Variants in EBAG9 observed in about 807,000 individuals in gnomAD.
The protein encoded by EBAG9 is estrogen receptor binding site associated antigen 9, also known as receptor-binding cancer antigen expressed on SiSo cells.
EBAG9 carries 16 observed loss-of-function variants against 30.9 expected under a neutral mutation model. The observed-to-expected ratio is 0.52, with a 90% CI of 0.35 to 0.79. EBAG9 has a LOEUF of 0.79. Among genes scored for constraint, EBAG9 ranks in the 30% least tolerant of loss-of-function variants. The pLI is 0.01. For synonymous variants in EBAG9, 93 were observed against 82.8 expected (o/e 1.12, Z -0.67); for missense variants, 197 against 242.1 (o/e 0.81, Z 1.24).
chr8:109,549,771 T>C (rs898409287), intron 1 of EBAG9, among the ~76,000 whole-genome samples: 2 of 152,098 alleles, frequency 1.3e-5, no homozygotes, highest in African/African-American at 4.8e-5. Flanking sequence ...TAGATTGTTA[T>C]GTACTTTTTA....
In EBAG9 at chr8:109,553,948, G is replaced by A. The variant is rs73700652; in HGVS notation, c.162+5G>A. ...TATTCATCAGTTCCTAAGCAGGTAG[G>A]TTTTTTTTGTGTGTTCTTTTGTTTT... is the stretch of plus-strand genomic sequence containing the variant. On this transcript the variant is annotated splice_donor_5th_base_variant and intron_variant, in intron 3 of 6. Coordinates refer to ENST00000337573, the MANE Select transcript of EBAG9 (RefSeq NM_004215.5). The A allele has an allele frequency of 8.8e-6, 14 of 1,586,792 alleles. No homozygotes were observed. The highest frequency in any genetic ancestry group is 5.5e-5 in the African/African-American group (4 of 73,132).
At chr8:109,550,953 G>C (rs1255338282) in intron 2 of EBAG9, 46 bp downstream of exon 2, 1 of 1,329,454 alleles carries the variant, frequency 7.5e-7, no homozygotes. Flanking sequence ...CTCCTCGCTG[G>C]TTTTGGATAC....
intron 4 of EBAG9, 58 bp from the exon 5 acceptor site, chr8:109,556,875 CTA>C (rs1246429993): frequency 1.2e-6 from 1 of 827,706 alleles, no homozygotes; most frequent in African/African-American, 1.8e-5. Flanking sequence ...TTTTGGTTGT[CTA>C]TTTTTATGTA....
chr8:109,558,230 A>G (rs1821640051), intron 5 of EBAG9, among the ~76,000 whole-genome samples: 1 of 152,084 alleles, frequency 6.6e-6, no homozygotes, highest in Non-Finnish European at 1.5e-5. Flanking sequence ...CATTGAGTAA[A>G]AACACTGTTT....
intron 2 of EBAG9, among the ~76,000 whole-genome samples, chr8:109,552,085 A>G (rs1264743437): frequency 6.6e-6 from 1 of 152,006 alleles, no homozygotes. Context: ...TTTTTTTAAT[A>G]TATATAGACA....
intron 6 of EBAG9, chr8:109,563,569 C>G (rs1407848483): frequency 6.5e-7 from 1 of 1,527,526 alleles, no homozygotes; most frequent in Non-Finnish European, 8.7e-7. Flanking sequence ...TAGTAAATAC[C>G]TACCACTCTT....
chr8:109,548,710 AT>A (rs1330130922), intron 1 of EBAG9, among the ~76,000 whole-genome samples: 4 of 151,910 alleles, frequency 2.6e-5, no homozygotes, highest in Admixed American at 1.3e-4. Flanking sequence ...CTCAAGTATC[AT>A]TTTTTTATGC....
At chr8:109,560,783 A>G (rs375261313) in intron 5 of EBAG9, 55 bp from the exon 6 acceptor site, 126 of 1,231,092 alleles carry the variant, frequency 1.0e-4, no homozygotes, top group African/African-American at 4.1e-4. Context: ...TTTAACGGCT[A>G]TGTGGAGAAA....
chr8:109,560,521 G>T (rs1479329072), intron 5 of EBAG9, among the ~76,000 whole-genome samples: 1 of 152,148 alleles, frequency 6.6e-6, no homozygotes, highest in Non-Finnish European at 1.5e-5. Context: ...AGGAGAGAAA[G>T]AAACAAAAGA....
intron 2 of EBAG9, among the ~76,000 whole-genome samples, chr8:109,553,063 G>T (rs370902356): frequency 6.6e-6 from 1 of 150,896 alleles, no homozygotes; most frequent in Non-Finnish European, 1.5e-5. Context: ...GTTCTTAGTT[G>T]ATGCTTTTTT....
At chr8:109,542,302 C>A (rs987185873) in intron 1 of EBAG9, among the ~76,000 whole-genome samples, 2 of 151,360 alleles carry the variant, frequency 1.3e-5, no homozygotes, top group Non-Finnish European at 3.0e-5. Flanking sequence ...AAAAAAAAAA[C>A]AACCTTTAAA....
chr8:109,543,573 TTGAGA>T (rs1821322492), intron 1 of EBAG9, among the ~76,000 whole-genome samples: 1 of 152,192 alleles, frequency 6.6e-6, no homozygotes, highest in Non-Finnish European at 1.5e-5. Flanking sequence ...ACTACTCAGA[TTGAGA>T]TATTAGATCT....
intron 1 of EBAG9, among the ~76,000 whole-genome samples, chr8:109,545,609 C>T (rs1426340075): frequency 6.6e-6 from 1 of 151,950 alleles, no homozygotes; most frequent in East Asian, 2.0e-4. Flanking sequence ...GTGATCTGCC[C>T]GCCTCAGCCT....
At chr8:109,540,502 C>G (rs1427951861) in intron 1 of EBAG9, 41 bp downstream of exon 1, 1 of 152,096 alleles carries the variant, frequency 6.6e-6, no homozygotes, top group East Asian at 1.9e-4. Flanking sequence ...CGTGGGTAAT[C>G]TGAAATGAAA....
intron 1 of EBAG9, among the ~76,000 whole-genome samples, chr8:109,544,207 G>T (rs1055545535): frequency 2.6e-5 from 4 of 152,010 alleles, no homozygotes; most frequent in African/African-American, 9.7e-5. Flanking sequence ...CTTTAATGTG[G>T]TCACATGATA....
chr8:109,546,934 C>T (rs1821396853), intron 1 of EBAG9, among the ~76,000 whole-genome samples: 1 of 152,134 alleles, frequency 6.6e-6, no homozygotes, highest in Admixed American at 6.5e-5. Context: ...TTTGTCCACT[C>T]ACCTGTTGAT....
rs757282698 is a variant in EBAG9 at position 109,564,581 on chromosome 8, G to A, written c.*22G>A. 159 of 1,609,036 alleles carry A rather than the reference G, an allele frequency of 9.9e-5. No individual in the cohort carries two copies. The East Asian group carries it at 2.8e-3, about 29-fold the overall frequency. ...ATAACACATGTTCAAATTTTATCAT[G>A]CCAGTAGGAGAAATCTCAGCTCCAC... On this transcript the variant is annotated 3_prime_UTR_variant, in exon 7 of 7. Transcript: ENST00000337573.
intron 4 of EBAG9, among the ~76,000 whole-genome samples, 162 bp downstream of exon 4, chr8:109,555,049 A>T (rs1332484842): frequency 6.6e-6 from 1 of 151,482 alleles, no homozygotes; most frequent in African/African-American, 2.4e-5. Context: ...TTAGTTACAT[A>T]TGTATACATG....
At chr8:109,548,228 C>G (rs1250040188) in intron 1 of EBAG9, among the ~76,000 whole-genome samples, 1 of 152,000 alleles carries the variant, frequency 6.6e-6, no homozygotes, top group Non-Finnish European at 1.5e-5. Context: ...TCCAGTTTAA[C>G]CAGCACTTTT....
Sources: allele counts gnomAD v4.1 joint callset (sites outside exome capture counted in the v4.1 genomes callset), GRCh38; gene constraint gnomAD v4.1.1; transcripts MANE v1.5; gene names NCBI Gene and HGNC (gene_info 2026-07-23, HGNC 2026-07-21).